SDK1: variants seen among roughly 807,000 people sequenced by gnomAD.
SDK1 encodes the protein sidekick cell adhesion molecule 1, also known as protein sidekick-1.
A neutral mutation model predicts 245.5 loss-of-function variants in SDK1; 157 were observed. The ratio of observed to expected loss-of-function variants is 0.64; its 90% CI spans 0.56 to 0.73. SDK1 has a LOEUF of 0.73. Among genes scored for constraint, SDK1 ranks in the 30% least tolerant of loss-of-function variants. SDK1 has a pLI of 0.00. For synonymous variants in SDK1, 1,647 were observed against 1,278.5 expected (o/e 1.29, Z -6.15); for missense variants, 3,583 against 3,002.3 (o/e 1.19, Z -4.52).
At chr7:3,851,660 T>G (rs1490451150) in intron 5 of SDK1, among the ~76,000 whole-genome samples, 1 of 152,150 alleles carries the variant, frequency 6.6e-6, no homozygotes, top group Non-Finnish European at 1.5e-5. Flanking sequence ...ATTGGGCGGC[T>G]TGATATATGT....
intron 1 of SDK1, among the ~76,000 whole-genome samples, chr7:3,590,474 G>C (rs1414515390): frequency 6.6e-6 from 1 of 152,032 alleles, no homozygotes; most frequent in Non-Finnish European, 1.5e-5. Flanking sequence ...CAAGTGAATT[G>C]ACGATTTAAG....
At chr7:3,689,444 G>A (rs192255976) in intron 4 of SDK1, among the ~76,000 whole-genome samples, 4 of 152,334 alleles carry the variant, frequency 2.6e-5, no homozygotes, top group East Asian at 3.9e-4. Flanking sequence ...CAGAGAGAGG[G>A]AGGGGCCTGC....
chr7:3,493,235 A>T (rs1781917896), intron 1 of SDK1, among the ~76,000 whole-genome samples: 1 of 151,712 alleles, frequency 6.6e-6, no homozygotes, highest in African/African-American at 2.4e-5. Flanking sequence ...ACAGGCGTCA[A>T]CCACCATGCC....
chr7:4,188,787 G>A (rs561359579), intron 35 of SDK1, among the ~76,000 whole-genome samples: 4 of 152,138 alleles, frequency 2.6e-5, no homozygotes, highest in African/African-American at 7.2e-5. Context: ...TTCCAGAGAA[G>A]TTTTTTCCCC....
At chr7:3,473,115 C>G (rs1028131851) in intron 1 of SDK1, among the ~76,000 whole-genome samples, 1 of 152,166 alleles carries the variant, frequency 6.6e-6, no homozygotes, top group Non-Finnish European at 1.5e-5. Flanking sequence ...ACCGGAGCAT[C>G]ACAACAGCCT....
intron 1 of SDK1, among the ~76,000 whole-genome samples, chr7:3,388,302 A>G (rs1381953803): frequency 6.6e-6 from 1 of 151,956 alleles, no homozygotes; most frequent in African/African-American, 2.4e-5. Context: ...GGTCTAAACC[A>G]TACCTATGGA....
chr7:3,340,952 T>G (rs773925821), intron 1 of SDK1, among the ~76,000 whole-genome samples: 1 of 152,122 alleles, frequency 6.6e-6, no homozygotes, highest in African/African-American at 2.4e-5. Flanking sequence ...TTAACACCAC[T>G]TTTATTCAGT....
chr7:3,762,899 C>G (rs908617871), intron 4 of SDK1, among the ~76,000 whole-genome samples: 5 of 152,108 alleles, frequency 3.3e-5, no homozygotes, highest in African/African-American at 1.2e-4. Context: ...GGTTTTTAGT[C>G]TTATGCTGAT....
rs757729076 is a variant in SDK1, at chr7:4,113,392, G to T, written c.3538G>T (p.Val1180Phe). The change falls in exon 24 of 45, where the codon GTC becomes TTC. Residue 1180 changes from valine to phenylalanine, a missense_variant. Transcript: ENST00000404826. ...CCCACCCGACGTGGCTCCAACCAGC[G>T]TCACGGTCCGTACTGCCAGTGAGAC... ...QAPPDVAPTSVTVRTASETSL... is the reference protein window; with the variant it reads ...QAPPDVAPTSFTVRTASETSL... 1 of 1,613,868 alleles carries T rather than the reference G, an allele frequency of 6.2e-7. No homozygotes were observed. The highest frequency in any genetic ancestry group is 8.5e-7 in the Non-Finnish European group (1 of 1,180,032).
intron 1 of SDK1, among the ~76,000 whole-genome samples, chr7:3,537,932 A>G (rs1018888112): frequency 2.0e-5 from 3 of 152,200 alleles, no homozygotes; most frequent in Non-Finnish European, 4.4e-5. Context: ...TCCCTCTGCA[A>G]AGAGTGAACC....
intron 1 of SDK1, among the ~76,000 whole-genome samples, chr7:3,513,217 G>T (rs564981310): frequency 6.6e-6 from 1 of 152,312 alleles, no homozygotes; most frequent in Admixed American, 6.5e-5. Context: ...ACCACTGTGG[G>T]TGGACTTAGG....
chr7:4,117,248 G>A (rs1349534087), intron 25 of SDK1, among the ~76,000 whole-genome samples: 1 of 152,158 alleles, frequency 6.6e-6, no homozygotes, highest in Non-Finnish European at 1.5e-5. Context: ...CTGGAGGATA[G>A]CTTGAGTCCA....
chr7:4,073,844 A>T (rs1343365243), intron 20 of SDK1, among the ~76,000 whole-genome samples: 1 of 152,136 alleles, frequency 6.6e-6, no homozygotes, highest in African/African-American at 2.4e-5. Flanking sequence ...GAGACTTTTA[A>T]TGCCGGTCTT....
At chr7:3,599,722 C>T (rs962826018) in intron 1 of SDK1, among the ~76,000 whole-genome samples, 1 of 152,142 alleles carries the variant, frequency 6.6e-6, no homozygotes, top group Non-Finnish European at 1.5e-5. Context: ...TCTGTCCCTC[C>T]TCCACTGAAT....
chr7:4,160,726 G>C (rs1562369675), intron 31 of SDK1, among the ~76,000 whole-genome samples: 1 of 152,190 alleles, frequency 6.6e-6, no homozygotes, highest in East Asian at 1.9e-4. Context: ...GTATCACCAG[G>C]GCTGTCAGGA....
intron 4 of SDK1, among the ~76,000 whole-genome samples, chr7:3,759,589 T>TTAA: frequency 6.7e-6 from 1 of 149,732 alleles, no homozygotes; most frequent in African/African-American, 2.4e-5. Context: ...TTTTTCATTA[T>TTAA]TATTATTATT....
intron 1 of SDK1, among the ~76,000 whole-genome samples, chr7:3,535,769 A>G (rs558017279): frequency 3.0e-4 from 46 of 152,118 alleles, no homozygotes; most frequent in African/African-American, 1.0e-3. Context: ...TTAAAACACC[A>G]CCCCCACTCA....
intron 1 of SDK1, among the ~76,000 whole-genome samples, chr7:3,333,027 A>G (rs929664122): frequency 6.6e-6 from 1 of 152,294 alleles, no homozygotes; most frequent in African/African-American, 2.4e-5. Flanking sequence ...AACCTTTTAT[A>G]AGGGCAGCGC....
At chr7:3,779,530 C>T (rs945836831) in intron 4 of SDK1, among the ~76,000 whole-genome samples, 32 of 151,712 alleles carry the variant, frequency 2.1e-4, no homozygotes, top group African/African-American at 7.0e-4. Context: ...GATTGGAAAA[C>T]CGTTTTCATA....
Sources: gnomAD v4.1 joint callset for allele counts (sites outside exome capture counted in the v4.1 genomes callset) on GRCh38, gnomAD v4.1.1 for gene constraint, MANE v1.5 for transcripts, NCBI Gene and HGNC (gene_info 2026-07-23, HGNC 2026-07-21) for gene names.